KLF8: variants seen among roughly 807,000 people sequenced by gnomAD.
KLF8 encodes Krueppel-like factor 8.
A neutral mutation model predicts 18.2 loss-of-function variants in KLF8; 10 were observed. The observed-to-expected ratio is 0.55, with a 90% CI of 0.34 to 0.93. The LOEUF is 0.93. Among genes scored for constraint, KLF8 ranks in the 40% least tolerant of loss-of-function variants. The pLI, the probability that KLF8 is intolerant of heterozygous loss-of-function variation, is 0.02. For missense variants in KLF8, 264 were observed against 277.9 expected, an observed-to-expected ratio of 0.95 and a Z score of 0.36; for synonymous variants, 109 against 97.3, an observed-to-expected ratio of 1.12 and a Z score of -0.71.
chrX:56,263,392 G>T (rs185929249), intron 2 of KLF8, among the ~76,000 whole-genome samples: 318 of 111,814 alleles, frequency 2.8e-3, no homozygotes, highest in African/African-American at 9.8e-3. Flanking sequence ...TAGCATAAAA[G>T]AAGGGAAAAG....
At chrX:55,996,762 C>T in the KLF8 span, among the ~76,000 whole-genome samples, 1 of 111,927 alleles carries the variant, frequency 8.9e-6, no homozygotes, top group African/African-American at 3.3e-5. Context: ...TCCTGGTTTG[C>T]TGGCAAGAGC....
At chrX:56,263,914 C>G (rs2066921522) in intron 2 of KLF8, among the ~76,000 whole-genome samples, 1 of 112,187 alleles carries the variant, frequency 8.9e-6, no homozygotes, top group African/African-American at 3.2e-5. Flanking sequence ...CAATTATCTT[C>G]TATCACCCAA....
the KLF8 span, among the ~76,000 whole-genome samples, chrX:55,987,084 G>T: frequency 9.0e-6 from 1 of 110,723 alleles, no homozygotes; most frequent in East Asian, 2.8e-4. Flanking sequence ...ATGAACATGT[G>T]TATGTATGTA....
At chrX:56,084,644 G>A in the KLF8 span, among the ~76,000 whole-genome samples, 42 of 111,786 alleles carry the variant, frequency 3.8e-4, no homozygotes, top group African/African-American at 1.2e-3. Context: ...CCATCTCCTC[G>A]TAAAGCTTTC....
chrX:56,264,850 T>C (rs2066945209), intron 2 of KLF8, among the ~76,000 whole-genome samples: 1 of 112,317 alleles, frequency 8.9e-6, no homozygotes, highest in African/African-American at 3.2e-5. Context: ...AATATGTTGG[T>C]ATGTACTTAT....
chrX:55,990,162 A>G, the KLF8 span, among the ~76,000 whole-genome samples: 1 of 111,594 alleles, frequency 9.0e-6, no homozygotes, highest in Admixed American at 9.5e-5. Context: ...CAGCTCCTGG[A>G]TTCATTGATT....
chrX:56,011,301 C>T, the KLF8 span, among the ~76,000 whole-genome samples: 1 of 112,267 alleles, frequency 8.9e-6, no homozygotes, highest in African/African-American at 3.2e-5. Context: ...CAAATTAGCA[C>T]TCAAGATTGA....
chrX:56,283,171 G>A (rs917275820), intron 5 of KLF8, among the ~76,000 whole-genome samples: 3 of 110,637 alleles, frequency 2.7e-5, no homozygotes, highest in Admixed American at 1.9e-4. Flanking sequence ...TCTATCTTGA[G>A]CATACATATC....
the KLF8 span, among the ~76,000 whole-genome samples, chrX:56,225,112 T>A: frequency 8.9e-6 from 1 of 112,023 alleles, no homozygotes; most frequent in Non-Finnish European, 1.9e-5. Context: ...ACATATGAAT[T>A]TGAAGGGCAC....
At chrX:56,253,401 G>A (rs1392461485) in intron 2 of KLF8, among the ~76,000 whole-genome samples, 1 of 111,936 alleles carries the variant, frequency 8.9e-6, no homozygotes, top group African/African-American at 3.3e-5. Context: ...GTTAGAGATA[G>A]GGTTCTGGTT....
chrX:56,270,381 CGA>C (rs1232106278), intron 5 of KLF8, 60 bp downstream of exon 5: 2,276 of 738,727 alleles, frequency 3.1e-3, no homozygotes, highest in Admixed American at 0.014. Flanking sequence ...CACACACACA[CGA>C]GAGAGAGAGA....
the KLF8 span, among the ~76,000 whole-genome samples, chrX:55,932,980 G>A: frequency 1.8e-5 from 2 of 111,556 alleles, no homozygotes; most frequent in African/African-American, 6.5e-5. Context: ...TATGTTAATA[G>A]CACACTCTTT....
At chrX:56,134,317 C>T in the KLF8 span, among the ~76,000 whole-genome samples, 1 of 111,582 alleles carries the variant, frequency 9.0e-6, no homozygotes, top group African/African-American at 3.3e-5. Context: ...ATAAAAATGG[C>T]CACATGGACC....
At chrX:55,916,597 G>A in the KLF8 span, among the ~76,000 whole-genome samples, 2 of 110,939 alleles carry the variant, frequency 1.8e-5, no homozygotes, top group East Asian at 5.6e-4. Context: ...AGGGTAACAG[G>A]CATGGATGGA....
the KLF8 span, among the ~76,000 whole-genome samples, chrX:56,039,404 G>C: frequency 1.8e-5 from 2 of 111,356 alleles, no homozygotes; most frequent in African/African-American, 6.5e-5. Context: ...TAAGGAAGAG[G>C]CCTAATTTCA....
the KLF8 span, among the ~76,000 whole-genome samples, chrX:56,034,283 A>G: frequency 8.9e-6 from 1 of 111,953 alleles, no homozygotes; most frequent in African/African-American, 3.2e-5. Context: ...TCCTTTTCCC[A>G]TTGTATATTA....
chrX:56,189,082 C>T, the KLF8 span, among the ~76,000 whole-genome samples: 1 of 111,512 alleles, frequency 9.0e-6, no homozygotes, highest in Middle Eastern at 4.7e-3. Context: ...AGTGAACAGG[C>T]AGCATACAAA....
chrX:56,068,002 C>T, the KLF8 span, among the ~76,000 whole-genome samples: 6 of 112,116 alleles, frequency 5.4e-5, no homozygotes, highest in Non-Finnish European at 1.1e-4. Context: ...ACCCACCTTG[C>T]CAATGGTAGC....
the KLF8 span, among the ~76,000 whole-genome samples, chrX:55,989,109 C>T: frequency 2.7e-5 from 3 of 111,822 alleles, no homozygotes; most frequent in Non-Finnish European, 5.6e-5. Context: ...GGGGCTGAGA[C>T]AATGGGGTTT....
Sources: gnomAD v4.1 joint callset for allele counts (sites outside exome capture counted in the v4.1 genomes callset) on GRCh38, gnomAD v4.1.1 for gene constraint, MANE v1.5 for transcripts, NCBI Gene and HGNC (gene_info 2026-07-23, HGNC 2026-07-21) for gene names.